Variants in PPP1R9A observed in about 807,000 individuals in gnomAD.
The protein encoded by PPP1R9A is neurabin-1.
In PPP1R9A, 59 loss-of-function variants were observed where a neutral mutation model predicts 141.9. The observed-to-expected ratio is 0.42, with a 90% CI of 0.34 to 0.52. The LOEUF (loss-of-function observed/expected upper bound fraction) is 0.52, where lower values mean the gene tolerates loss of function less well. Ranked by LOEUF, PPP1R9A falls within the 20% of genes least tolerant of loss-of-function variation. PPP1R9A has a pLI of 0.10. For missense variants in PPP1R9A, 1,444 were observed against 1,611.9 expected (o/e 0.90, Z 1.78); for synonymous variants, 500 against 569.7 (o/e 0.88, Z 1.74).
At chr7:94,984,824 C>A (rs1234699927) in intron 2 of PPP1R9A, among the ~76,000 whole-genome samples, 1 of 151,992 alleles carries the variant, frequency 6.6e-6, no homozygotes, top group South Asian at 2.1e-4. Context: ...TTTTGTGTCT[C>A]TATCTCCTTC....
At chr7:95,023,964 C>G (rs537997348) in intron 2 of PPP1R9A, among the ~76,000 whole-genome samples, 1 of 152,296 alleles carries the variant, frequency 6.6e-6, no homozygotes, top group South Asian at 2.1e-4. Context: ...TTAGCCGTGT[C>G]CCAGAGATTC....
chr7:95,015,549 TAA>T (rs965589712), intron 2 of PPP1R9A, among the ~76,000 whole-genome samples: 2 of 152,002 alleles, frequency 1.3e-5, no homozygotes, highest in African/African-American at 4.8e-5. Context: ...AAAGTAGAGA[TAA>T]AAGATTGAGA....
chr7:94,910,889 C>G lies in PPP1R9A; in HGVS notation c.776C>G (p.Pro259Arg). Residue 259 changes from proline (P) to arginine (R), a missense_variant, in exon 2 of 20, where the codon CCT becomes CGT. By Grantham distance (103) the Pro-to-Arg change is moderately radical. Around this residue, in one of 5 missense-constraint regions of PPP1R9A, gnomAD observed 490 missense variants for 521.1 expected, o/e 0.94. Coordinates refer to ENST00000433360, the MANE Select transcript of PPP1R9A (RefSeq NM_001166160.2). This position sits in a 1 kb window ranked among gnomAD's most constrained non-coding sequence, Gnocchi z 4.5. The part of the protein sequence containing the change: ...FGHLKDSNSW[P>R]PSNKRGVDTE... Reference sequence around the variant, plus strand: ...CACCTGAAGGATTCTAATTCCTGGCCTCCTTCAAACAAGCGAGGTGTTGAT... The same window carrying G: ...CACCTGAAGGATTCTAATTCCTGGCGTCCTTCAAACAAGCGAGGTGTTGAT... The G allele has an allele frequency of 1.2e-6, 2 of 1,614,002 alleles. No homozygotes were observed. Among genetic ancestry groups the G allele is most frequent in the Non-Finnish European group, 1.7e-6 (2 of 1,179,994 alleles).
At chr7:95,200,394 C>T (rs1369436685) in intron 6 of PPP1R9A, among the ~76,000 whole-genome samples, 1 of 151,534 alleles carries the variant, frequency 6.6e-6, no homozygotes, top group Non-Finnish European at 1.5e-5. Flanking sequence ...GCCTCAGCCT[C>T]CTGAGTAGCT....
chr7:95,078,416 T>C (rs1815212663), intron 2 of PPP1R9A, among the ~76,000 whole-genome samples: 1 of 151,742 alleles, frequency 6.6e-6, no homozygotes, highest in Non-Finnish European at 1.5e-5. Flanking sequence ...GTCTTTGCTA[T>C]TGTGAATAGT....
At chr7:95,187,632 G>A (rs1585147368) in intron 5 of PPP1R9A, among the ~76,000 whole-genome samples, 1 of 152,046 alleles carries the variant, frequency 6.6e-6, no homozygotes, top group Non-Finnish European at 1.5e-5. Context: ...TTTTGATGTA[G>A]GCAGTTAATG....
chr7:94,991,251 T>C (rs1270450244), intron 2 of PPP1R9A, among the ~76,000 whole-genome samples: 1 of 152,224 alleles, frequency 6.6e-6, no homozygotes, highest in Non-Finnish European at 1.5e-5. Flanking sequence ...CCTAATTGTT[T>C]TGATTTGTAA....
At chr7:94,936,972 C>CT (rs1164975628) in intron 2 of PPP1R9A, among the ~76,000 whole-genome samples, 1 of 151,892 alleles carries the variant, frequency 6.6e-6, no homozygotes, top group Non-Finnish European at 1.5e-5. Flanking sequence ...ATCCCTCTGG[C>CT]TTTTTTCAAT....
At chr7:94,960,303 T>C (rs1797493298) in intron 2 of PPP1R9A, among the ~76,000 whole-genome samples, 1 of 151,548 alleles carries the variant, frequency 6.6e-6, no homozygotes, top group South Asian at 2.1e-4. Context: ...ATTCTACTGA[T>C]CCTAAGTAAA....
chr7:94,925,789 C>T (rs1412969458), intron 2 of PPP1R9A, among the ~76,000 whole-genome samples: 2 of 151,980 alleles, frequency 1.3e-5, no homozygotes, highest in African/African-American at 4.8e-5. Context: ...TCCCCCTCCC[C>T]CCACCTGAAG....
intron 2 of PPP1R9A, among the ~76,000 whole-genome samples, chr7:95,062,167 G>A (rs753413547): frequency 6.6e-6 from 1 of 152,124 alleles, no homozygotes; most frequent in African/African-American, 2.4e-5. Flanking sequence ...GCATTAGGTG[G>A]CCCTTGAGGG....
chr7:95,095,108 C>A (rs905834257), intron 2 of PPP1R9A, among the ~76,000 whole-genome samples: 2 of 152,106 alleles, frequency 1.3e-5, no homozygotes, highest in Admixed American at 1.3e-4. Context: ...GCTATCAAGT[C>A]ACCTAACTGG....
At chr7:95,167,352 G>A (rs1369893606) in intron 5 of PPP1R9A, among the ~76,000 whole-genome samples, 1 of 152,146 alleles carries the variant, frequency 6.6e-6, no homozygotes, top group African/African-American at 2.4e-5. Context: ...CGTAACAATT[G>A]AAGATGAGAT....
intron 5 of PPP1R9A, among the ~76,000 whole-genome samples, chr7:95,185,075 G>T (rs1239273704): frequency 6.7e-6 from 1 of 149,680 alleles, no homozygotes; most frequent in African/African-American, 2.5e-5. Flanking sequence ...AAGTTTTAGG[G>T]TACATGTGCA....
intron 2 of PPP1R9A, among the ~76,000 whole-genome samples, chr7:95,080,486 A>G (rs911730273): frequency 6.6e-6 from 1 of 152,252 alleles, no homozygotes; most frequent in Admixed American, 6.5e-5. Context: ...GGTAGGAAGA[A>G]TCAATATCAT....
chr7:95,112,622 A>G (rs1275295154), intron 3 of PPP1R9A, among the ~76,000 whole-genome samples: 2 of 152,160 alleles, frequency 1.3e-5, no homozygotes, highest in Non-Finnish European at 2.9e-5. Context: ...TTAACAGAAT[A>G]CTATCCAATG....
intron 2 of PPP1R9A, among the ~76,000 whole-genome samples, chr7:95,073,253 TG>T (rs1350312592): frequency 1.3e-5 from 2 of 151,834 alleles, no homozygotes; most frequent in Non-Finnish European, 2.9e-5. Context: ...CTCAAAGTGG[TG>T]AGATTACAGG....
chr7:95,195,120 A>G (rs993844360), intron 5 of PPP1R9A, among the ~76,000 whole-genome samples: 3 of 152,050 alleles, frequency 2.0e-5, no homozygotes, highest in Non-Finnish European at 4.4e-5. Context: ...ACAAAAGGAA[A>G]CTCCACCCTT....
intron 7 of PPP1R9A, among the ~76,000 whole-genome samples, chr7:95,217,484 T>C (rs1268971497): frequency 2.0e-5 from 3 of 152,198 alleles, no homozygotes; most frequent in African/African-American, 7.2e-5. Context: ...GCTGGCCTCA[T>C]AAAATGAGTT....
Sources: gnomAD v4.1 joint callset for allele counts (sites outside exome capture counted in the v4.1 genomes callset) on GRCh38, gnomAD v4.1.1 for gene constraint, gnomAD v4.1.1 regional missense constraint, Gnocchi (gnomAD v3.1) non-coding constraint, MANE v1.5 for transcripts, NCBI Gene and HGNC (gene_info 2026-07-23, HGNC 2026-07-21) for gene names.